RPS6KA6: variants seen among roughly 807,000 people sequenced by gnomAD.
The protein encoded by RPS6KA6 is ribosomal protein S6 kinase alpha-6.
RPS6KA6 carries 27 observed loss-of-function variants against 65.4 expected under a neutral mutation model. That is an observed-to-expected ratio of 0.41 (90% CI 0.30 to 0.57). The LOEUF is 0.57. Ranked by LOEUF, RPS6KA6 falls within the 20% of genes least tolerant of loss-of-function variation. The pLI is 0.24. For synonymous variants in RPS6KA6, 190 were observed against 184.2 expected (o/e 1.03, Z -0.26); for missense variants, 486 against 555.6 (o/e 0.87, Z 1.26).
At chrX:84,069,405 AAATT>A (rs1453052763) in intron 20 of RPS6KA6, among the ~76,000 whole-genome samples, 1 of 112,150 alleles carries the variant, frequency 8.9e-6, no homozygotes, top group African/African-American at 3.2e-5. Flanking sequence ...CCTTATATAA[AAATT>A]AACTCAAGGT....
At chrX:84,067,210 G>A (rs956689105) in intron 20 of RPS6KA6, among the ~76,000 whole-genome samples, 6 of 111,749 alleles carry the variant, frequency 5.4e-5, no homozygotes, top group African/African-American at 2.0e-4. Flanking sequence ...AAAATAGAAT[G>A]CCTATTTTCC....
rs981609760 is a variant in RPS6KA6 at position 84,136,772 on chromosome X, T to C, written c.502-1562A>G. ...AGTAGCAATTATGTGCCAGGCACTG[T>C]ACAATCATTATGTTATTATAGCTTC... is the stretch of plus-strand genomic sequence containing the variant. On this transcript the variant is annotated intron_variant, in intron 6 of 21. Transcript: ENST00000262752. 5.4e-5 allele frequency among the ~76,000 whole-genome samples: 6 copies of C among 111,618 alleles called. No individual in the cohort carries two copies. The Admixed American group carries it at 5.7e-4, about 11-fold the overall frequency.
chrX:84,084,533 T>C (rs2147368658), intron 20 of RPS6KA6, among the ~76,000 whole-genome samples: 1 of 111,899 alleles, frequency 8.9e-6, no homozygotes, highest in South Asian at 3.7e-4. Flanking sequence ...TGTGTAGTCT[T>C]ATTTCTGAGT....
intron 6 of RPS6KA6, among the ~76,000 whole-genome samples, chrX:84,138,830 TG>T (rs2035044666): frequency 1.8e-5 from 2 of 110,240 alleles, no homozygotes; most frequent in East Asian, 5.7e-4. Flanking sequence ...TGTGTGTGTG[TG>T]TGTGTGTGTG....
chrX:84,097,009 C>G (rs750138849), intron 19 of RPS6KA6, among the ~76,000 whole-genome samples: 1 of 111,312 alleles, frequency 9.0e-6, no homozygotes, highest in East Asian at 2.8e-4. Context: ...AGCCATTAAA[C>G]AATTTAGAGT....
At chrX:84,080,226 C>T (rs1416329133) in intron 20 of RPS6KA6, among the ~76,000 whole-genome samples, 1 of 102,071 alleles carries the variant, frequency 9.8e-6, no homozygotes, top group Non-Finnish European at 2.0e-5. Context: ...GATACCCAGG[C>T]AAACAAGGTC....
At chrX:84,138,566 C>A (rs1213949543) in intron 6 of RPS6KA6, among the ~76,000 whole-genome samples, 4 of 112,020 alleles carry the variant, frequency 3.6e-5, no homozygotes, top group African/African-American at 1.3e-4. Context: ...AACAAACAAA[C>A]AAAAATATTA....
intron 6 of RPS6KA6, among the ~76,000 whole-genome samples, chrX:84,144,589 T>A (rs2035166432): frequency 9.0e-6 from 1 of 111,224 alleles, no homozygotes; most frequent in South Asian, 3.7e-4. Context: ...AATGTAAAAT[T>A]TATATAATCA....
At chrX:84,169,366 T>A (rs1180143575) in intron 1 of RPS6KA6, among the ~76,000 whole-genome samples, 1 of 110,691 alleles carries the variant, frequency 9.0e-6, no homozygotes, top group African/African-American at 3.3e-5. Context: ...TCACTTCAAA[T>A]TTATCGCTTT....
intron 20 of RPS6KA6, among the ~76,000 whole-genome samples, chrX:84,080,216 G>A (rs2033762552): frequency 9.7e-6 from 1 of 103,295 alleles, no homozygotes; most frequent in South Asian, 4.9e-4. Flanking sequence ...CTCTGCTGGT[G>A]ATACCCAGGC....
At chrX:84,109,441 C>A (rs916082639) in intron 12 of RPS6KA6, among the ~76,000 whole-genome samples, 3 of 111,085 alleles carry the variant, frequency 2.7e-5, no homozygotes, top group Non-Finnish European at 3.8e-5. Context: ...ATCTGAGAAT[C>A]CTGTGGGCCC....
intron 6 of RPS6KA6, among the ~76,000 whole-genome samples, chrX:84,143,849 G>A (rs757309494): frequency 1.3e-4 from 14 of 111,348 alleles, no homozygotes; most frequent in South Asian, 3.7e-4. Context: ...ATGGATCAAT[G>A]AACAGAACAG....
chrX:84,159,938 C>A (rs938368633), intron 2 of RPS6KA6, among the ~76,000 whole-genome samples: 7 of 110,514 alleles, frequency 6.3e-5, no homozygotes, highest in Non-Finnish European at 1.1e-4. Flanking sequence ...TCAGAAAAAC[C>A]AACCCTGCCA....
intron 2 of RPS6KA6, 107 bp from the exon 3 acceptor site, chrX:84,156,298 G>T: frequency 2.2e-6 from 1 of 454,541 alleles, no homozygotes; most frequent in Non-Finnish European, 3.9e-6. Flanking sequence ...CCTCAATGTA[G>T]CAGAGAGTTT....
At chrX:84,104,699 A>G (rs781063387) in intron 16 of RPS6KA6, 42 bp from the exon 17 acceptor site, 2 of 802,764 alleles carry the variant, frequency 2.5e-6, no homozygotes, top group Non-Finnish European at 3.4e-6. Context: ...ATTTATAATT[A>G]CAATTCTATA....
At chrX:84,163,833 T>TA (rs2035556836) in intron 2 of RPS6KA6, among the ~76,000 whole-genome samples, 1 of 111,438 alleles carries the variant, frequency 9.0e-6, no homozygotes, top group Non-Finnish European at 1.9e-5. Flanking sequence ...TAGAATGGTC[T>TA]AATGGCTAAG....
intron 20 of RPS6KA6, among the ~76,000 whole-genome samples, chrX:84,076,511 T>G (rs1293079660): frequency 8.9e-6 from 1 of 111,764 alleles, no homozygotes; most frequent in Non-Finnish European, 1.9e-5. Context: ...ATAAACGTAA[T>G]TCAAATGTAT....
intron 8 of RPS6KA6, among the ~76,000 whole-genome samples, chrX:84,126,336 T>C (rs2034783786): frequency 9.0e-6 from 1 of 111,456 alleles, no homozygotes; most frequent in African/African-American, 3.3e-5. Flanking sequence ...GGAGCAACCA[T>C]ATATACAGAG....
At chrX:84,170,318 T>C in intron 1 of RPS6KA6, among the ~76,000 whole-genome samples, 1 of 110,823 alleles carries the variant, frequency 9.0e-6, no homozygotes, top group African/African-American at 3.3e-5. Flanking sequence ...AAGATAAAGG[T>C]GGGTCCACAT....
Sources: allele counts gnomAD v4.1 joint callset (sites outside exome capture counted in the v4.1 genomes callset), GRCh38; gene constraint gnomAD v4.1.1; transcripts MANE v1.5; gene names NCBI Gene and HGNC (gene_info 2026-07-23, HGNC 2026-07-21).